Variants in RORA observed in about 807,000 individuals in gnomAD.
RORA encodes RAR related orphan receptor A.
RORA carries 7 observed loss-of-function variants against 69.5 expected under a neutral mutation model. The observed-to-expected ratio is 0.10, with a 90% confidence interval of 0.06 to 0.19. The LOEUF is 0.19. RORA is among the 10% of genes least tolerant of loss of function. The probability of loss-of-function intolerance (pLI) is 1.00; values close to 1 mark genes in which losing one functional copy is unlikely to be tolerated. For synonymous variants in RORA, 261 were observed against 240.8 expected, an observed-to-expected ratio of 1.08 and a Z score of -0.78; for missense variants, 457 against 663.0, an observed-to-expected ratio of 0.69 and a Z score of 3.41.
intron 5 of RORA, among the ~76,000 whole-genome samples, chr15:60,507,541 A>G (rs1040060756): frequency 6.6e-6 from 1 of 152,244 alleles, no homozygotes; most frequent in Non-Finnish European, 1.5e-5. Flanking sequence ...AATGTAAAGG[A>G]AAGAATGAGA....
At chr15:60,935,667 C>A (rs1892499216) in intron 1 of RORA, among the ~76,000 whole-genome samples, 1 of 152,192 alleles carries the variant, frequency 6.6e-6, no homozygotes, top group Non-Finnish European at 1.5e-5. Context: ...GCTTAACCGG[C>A]CTTGAGGCCC....
intron 1 of RORA, among the ~76,000 whole-genome samples, chr15:61,165,301 C>T (rs1321318407): frequency 1.3e-5 from 2 of 152,204 alleles, no homozygotes; most frequent in Non-Finnish European, 2.9e-5. Flanking sequence ...ATTCGGATTA[C>T]TTCTTGCAGG....
At chr15:61,180,145 A>AAG (rs1465364522) in intron 1 of RORA, among the ~76,000 whole-genome samples, 10 of 133,082 alleles carry the variant, frequency 7.5e-5, no homozygotes, top group African/African-American at 3.2e-4. Context: ...CTCCATCTCA[A>AAG]AAAAAAAAAA....
At chr15:60,721,287 G>C (rs934873917) in intron 1 of RORA, among the ~76,000 whole-genome samples, 1 of 152,144 alleles carries the variant, frequency 6.6e-6, no homozygotes, top group Admixed American at 6.5e-5. Context: ...AAATCAGAGT[G>C]ATCAGAAAAC....
chr15:60,848,373 T>C (rs773425629), intron 1 of RORA: 1 of 152,046 alleles, frequency 6.6e-6, no homozygotes, highest in African/African-American at 2.4e-5. Flanking sequence ...AGAGTCCTCA[T>C]AAGGGAAAAA....
At position 60,871,990 on chromosome 15, in the gene RORA, T is replaced by G. The variant is rs147461830; in HGVS notation, c.167-193304A>C. 2.6e-5 allele frequency among the ~76,000 whole-genome samples: 4 copies of G among 152,342 alleles called. No individual in the cohort carries two copies. The East Asian group carries it at 7.7e-4, about 29-fold the overall frequency. Reference sequence around the variant, plus strand: ...TCTCTGCATTATCTTTACAACTCTATGCAAATCTAGAAGTATTCCAAAGTA... The same window carrying G: ...TCTCTGCATTATCTTTACAACTCTAGGCAAATCTAGAAGTATTCCAAAGTA... On this transcript the variant is annotated intron_variant, in intron 1 of 10. Coordinates refer to ENST00000335670, the MANE Select transcript of RORA (RefSeq NM_134261.3).
At position 60,973,290 on chromosome 15, in the gene RORA, C is replaced by T. The variant is rs552829508; in HGVS notation, c.166+255763G>A. 5.3e-5 allele frequency among the ~76,000 whole-genome samples: 8 copies of T among 152,212 alleles called. No individual in the cohort carries two copies. The South Asian group carries it at 1.7e-3, about 32-fold the overall frequency. On this transcript the variant is annotated intron_variant, in intron 1 of 10. Transcript: ENST00000335670. ...ATTCTAGTCTACACACCGTGAGGCC[C>T]AGAGAGGTGAAGTTTCCTGCCCAAG...
intron 1 of RORA, among the ~76,000 whole-genome samples, chr15:60,714,955 G>A (rs943013039): frequency 3.9e-5 from 6 of 152,176 alleles, no homozygotes; most frequent in Admixed American, 3.9e-4. Flanking sequence ...AAAATCAAGT[G>A]AGGGGTAAAG....
At chr15:61,030,214 T>A (rs972950436) in intron 1 of RORA, among the ~76,000 whole-genome samples, 3 of 152,150 alleles carry the variant, frequency 2.0e-5, no homozygotes, top group African/African-American at 7.2e-5. Flanking sequence ...TCTGAACTAG[T>A]ACCTTTGGCT....
chr15:60,511,082 G>A lies in RORA; in HGVS notation c.820+144C>T. 1 of 852,218 alleles carries A rather than the reference G, an allele frequency of 1.2e-6. No individual in the cohort carries two copies. Among genetic ancestry groups the A allele is most frequent in the Non-Finnish European group, 1.8e-6 (1 of 562,510 alleles). 52.8% of individuals were successfully genotyped at this position (852,218 alleles called of 1,614,324 possible). On this transcript the variant is annotated intron_variant, in intron 5 of 10. Coordinates refer to ENST00000335670, the MANE Select transcript of RORA (RefSeq NM_134261.3). The surrounding 1 kb of genome is among the most constrained non-coding windows in gnomAD (Gnocchi z 6.4). Reference sequence around the variant, plus strand: ...GAAACAGCAGAGGGTCAAAAGCAAGGGGGCAGGGCAGAAAATTAAGTGGCC... The same window carrying A: ...GAAACAGCAGAGGGTCAAAAGCAAGAGGGCAGGGCAGAAAATTAAGTGGCC...
chr15:60,703,803 C>T (rs2071020699), intron 1 of RORA, among the ~76,000 whole-genome samples: 1 of 151,512 alleles, frequency 6.6e-6, no homozygotes, highest in Non-Finnish European at 1.5e-5. Context: ...TTGCCAGATA[C>T]CTCATCTTTG....
At chr15:60,832,659 G>GAA (rs200922072) in intron 1 of RORA, among the ~76,000 whole-genome samples, 1 of 148,960 alleles carries the variant, frequency 6.7e-6, no homozygotes, top group South Asian at 2.1e-4. Flanking sequence ...CCTTGCTGAT[G>GAA]AAAAAAAAAA....
At chr15:60,857,635 C>G (rs146371741) in intron 1 of RORA, among the ~76,000 whole-genome samples, 1 of 152,126 alleles carries the variant, frequency 6.6e-6, no homozygotes, top group Non-Finnish European at 1.5e-5. Context: ...ACCTGGCTGC[C>G]GCACACGCCC....
At chr15:60,871,856 C>A (rs1017933473) in intron 1 of RORA, among the ~76,000 whole-genome samples, 1 of 152,214 alleles carries the variant, frequency 6.6e-6, no homozygotes, top group African/African-American at 2.4e-5. Flanking sequence ...AAAGTCTGGA[C>A]TTCAGTTAAT....
At chr15:60,651,893 T>A (rs1360139572) in intron 2 of RORA, among the ~76,000 whole-genome samples, 3 of 152,218 alleles carry the variant, frequency 2.0e-5, no homozygotes, top group Non-Finnish European at 2.9e-5. Flanking sequence ...TCATGGGCCG[T>A]TAAGCATGTC....
At chr15:60,841,116 A>G (rs1481558825) in intron 1 of RORA, 10 of 983,930 alleles carry the variant, frequency 1.0e-5, no homozygotes, top group African/African-American at 1.7e-5. Context: ...CAGAGAGCTG[A>G]GGGAAACAAC....
intron 1 of RORA, among the ~76,000 whole-genome samples, chr15:60,897,945 G>C (rs1395244327): frequency 2.6e-5 from 4 of 152,184 alleles, no homozygotes; most frequent in African/African-American, 9.6e-5. Context: ...AAAAAGACTT[G>C]ATATTTCCCT....
chr15:60,551,391 C>T lies in RORA; in HGVS notation c.197-19540G>A, dbSNP rs1025202256. 2.6e-5 allele frequency among the ~76,000 whole-genome samples: 4 copies of T among 151,982 alleles called. No homozygotes were observed. In the East Asian group the frequency reaches 7.7e-4, roughly 29 times the overall value. On this transcript the variant is annotated intron_variant, in intron 2 of 10. Coordinates refer to ENST00000335670, the MANE Select transcript of RORA (RefSeq NM_134261.3). Reference sequence around the variant, plus strand: ...GCTCATCCTGGTCCCTGCTCGGTTCCCACATCCTCATCTGGCTGACTTAGT... The same window carrying T: ...GCTCATCCTGGTCCCTGCTCGGTTCTCACATCCTCATCTGGCTGACTTAGT...
At chr15:61,129,069 T>C (rs2079167490) in intron 1 of RORA, among the ~76,000 whole-genome samples, 1 of 152,206 alleles carries the variant, frequency 6.6e-6, no homozygotes, top group Admixed American at 6.5e-5. Flanking sequence ...CTAAATGACT[T>C]TCCAGCTGGG....
Sources: gnomAD v4.1 joint callset for allele counts (sites outside exome capture counted in the v4.1 genomes callset) on GRCh38, gnomAD v4.1.1 for gene constraint, Gnocchi (gnomAD v3.1) non-coding constraint, MANE v1.5 for transcripts, NCBI Gene and HGNC (gene_info 2026-07-23, HGNC 2026-07-21) for gene names.